CYTH4: variants seen among roughly 807,000 people sequenced by gnomAD.
The protein encoded by CYTH4 is cytohesin 4.
Under a neutral mutation model 57.5 loss-of-function variants are expected in CYTH4, and 22 were observed. The ratio of observed to expected loss-of-function variants is 0.38; its 90% CI spans 0.27 to 0.55. CYTH4 has a LOEUF of 0.55. Ranked by LOEUF, CYTH4 falls within the 20% of genes least tolerant of loss-of-function variation. The pLI is 0.74. For synonymous variants in CYTH4, 186 were observed against 206.5 expected (o/e 0.90, Z 0.85); for missense variants, 420 against 535.6 (o/e 0.78, Z 2.13).
In CYTH4 at chr22:37,292,224, G is replaced by A. The variant is rs1010369739; in HGVS notation, c.20-397G>A. On this transcript the variant is annotated intron_variant, in intron 1 of 12. Transcript: ENST00000248901. ...CAGTGGAGGAGGAGATTCAAGTTCC[G>A]GGGAAGGAATGCGTGCCTTCAGCGA... is the stretch of plus-strand genomic sequence containing the variant. 12 of 174,038 alleles carry A rather than the reference G, an allele frequency of 6.9e-5. No homozygotes were observed. The East Asian group carries it at 7.5e-4, about 11-fold the overall frequency. 10.8% of individuals were successfully genotyped at this position (174,038 alleles called of 1,614,324 possible).
chr22:37,303,986 G>T (rs1929297733), intron 8 of CYTH4, among the ~76,000 whole-genome samples: 1 of 152,214 alleles, frequency 6.6e-6, no homozygotes, highest in South Asian at 2.1e-4. Flanking sequence ...CAAGTTCAGG[G>T]TCTGGTGGGA....
At chr22:37,293,219 C>T (rs1246203770) in intron 2 of CYTH4, among the ~76,000 whole-genome samples, 1 of 152,200 alleles carries the variant, frequency 6.6e-6, no homozygotes, top group Non-Finnish European at 1.5e-5. Context: ...GCCTGGGCTG[C>T]AGTGGCTGTG....
Position 37,314,530 on chromosome 22 carries a change from G to A in CYTH4, c.*1019G>A. 1 of 397,980 alleles carries A rather than the reference G, an allele frequency of 2.5e-6. No homozygotes were observed. Among genetic ancestry groups the A allele is most frequent in the Non-Finnish European group, 4.4e-6 (1 of 225,824 alleles). The allele number at this position is 397,980 out of a possible 1,614,324, so 24.7% of individuals were successfully genotyped here. On this transcript the variant is annotated 3_prime_UTR_variant, in exon 13 of 13. Transcript: ENST00000248901. The stretch of plus-strand genomic sequence containing the variant: ...CACAGAGCTCATGCTTGGAGAGAGA[G>A]AGTCTTGGCCATGGCTTTCCTGCAA...
intron 9 of CYTH4, 132 bp from the exon 10 acceptor site, chr22:37,310,856 G>A (rs1929611528): frequency 2.5e-6 from 2 of 806,258 alleles, no homozygotes; most frequent in East Asian, 2.5e-5. Context: ...TTGGGGGGAG[G>A]TGTGGTGGAC....
chr22:37,309,104 T>C, intron 8 of CYTH4, 108 bp from the exon 9 acceptor site: 1 of 806,030 alleles, frequency 1.2e-6, no homozygotes, highest in South Asian at 1.7e-5. Context: ...GGAAAGAGTA[T>C]GCCTGCAGGT....
rs774848140 is a variant in CYTH4, at chr22:37,303,359, G to A, written c.653G>A (p.Arg218His). 1.7e-5 allele frequency: 27 copies of A among 1,613,992 alleles called. No homozygotes were observed. The highest frequency in any genetic ancestry group is 5.0e-5 in the Admixed American group (3 of 59,974). The part of the protein sequence containing the change: ...PPFERFVSMN[R>H]GINNGSDLPE... ...TTTGAGCGCTTTGTGTCCATGAACC[G>A]CGGCATCAACAATGGTAGCGACCTG... Residue 218 changes from arginine (R) to histidine (H), a missense_variant, in exon 8 of 13, where the codon CGC becomes CAC. Physicochemically the swap from Arg to His is conservative, Grantham distance 29 (BLOSUM62 0). Transcript: ENST00000248901.
chr22:37,314,423 C>G lies in CYTH4; in HGVS notation c.*912C>G, dbSNP rs1366998928. The G allele has an allele frequency of 7.5e-6, 3 of 398,534 alleles. No individual in the cohort carries two copies. Among genetic ancestry groups the G allele is most frequent in the African/African-American group, 6.2e-5 (3 of 48,624 alleles). 24.7% of individuals were successfully genotyped at this position (398,534 alleles called of 1,614,324 possible). On this transcript the variant is annotated 3_prime_UTR_variant, in exon 13 of 13. Transcript: ENST00000248901. ...GACTCAAGCAGGATGGGTGCTATATCCAAGAAGCCAAGAAGGGAGAGTTTC... is the reference window on the plus strand; with the variant it reads ...GACTCAAGCAGGATGGGTGCTATATGCAAGAAGCCAAGAAGGGAGAGTTTC...
At chr22:37,297,166 C>T (rs938094680) in intron 4 of CYTH4, among the ~76,000 whole-genome samples, 1 of 152,090 alleles carries the variant, frequency 6.6e-6, no homozygotes, top group Admixed American at 6.5e-5. Context: ...ACATAGATTA[C>T]TTGTGTGAAA....
chr22:37,300,136 G>A (rs1427441361), intron 6 of CYTH4: 1 of 717,618 alleles, frequency 1.4e-6, no homozygotes, highest in Admixed American at 2.0e-5. Flanking sequence ...AAGTCTTGAT[G>A]CTGCTTGAAA....
At chr22:37,305,298 G>C (rs1929353627) in intron 8 of CYTH4, among the ~76,000 whole-genome samples, 1 of 152,156 alleles carries the variant, frequency 6.6e-6, no homozygotes, top group Non-Finnish European at 1.5e-5. Flanking sequence ...AGGCTTTGGG[G>C]TCTATTATCT....
chr22:37,295,876 C>T lies in CYTH4; in HGVS notation c.168-123C>T, dbSNP rs972355029. The T allele has an allele frequency of 1.0e-5, 10 of 1,001,716 alleles. No individual in the cohort carries two copies. The African/African-American group carries it at 1.5e-4, about 15-fold the overall frequency. 62.1% of individuals were successfully genotyped at this position (1,001,716 alleles called of 1,614,324 possible). A position where few individuals can be genotyped will look rare whatever the true frequency, so the allele number is the denominator to read the frequency against. On this transcript the variant is annotated intron_variant, in intron 3 of 12. Coordinates refer to ENST00000248901, the MANE Select transcript of CYTH4 (RefSeq NM_013385.5). The surrounding 1 kb of genome is among the most constrained non-coding windows in gnomAD (Gnocchi z 4.1). ...GCCCAGGTGGTTCCCATGCAGGACC[C>T]GGAGGCCACACTTGGAGGGCCCTAG... is the stretch of plus-strand genomic sequence containing the variant.
Position 37,297,676 on chromosome 22 carries a change from G to C in CYTH4, c.347G>C (p.Gly116Ala). Residue 116 changes from glycine (G) to alanine (A), a missense_variant, in exon 5 of 13, where the codon GGG (glycine) becomes GCG (alanine). Physicochemically the swap from Gly to Ala is moderately conservative, Grantham distance 60. Coordinates refer to ENST00000248901, the MANE Select transcript of CYTH4 (RefSeq NM_013385.5). Reference sequence around the variant, plus strand: ...AAGACAGCCATTGGTACCTACCTGGGGGAGAGGTAAGAACGAGTGGAGCCT... The same window carrying C: ...AAGACAGCCATTGGTACCTACCTGGCGGAGAGGTAAGAACGAGTGGAGCCT... ...LNKTAIGTYL[G>A]ERDPINLQVL... The C allele has an allele frequency of 6.2e-7, 1 of 1,613,428 alleles. No individual in the cohort carries two copies. The highest frequency in any genetic ancestry group is 1.1e-5 in the South Asian group (1 of 91,050).
chr22:37,311,531 GGT>G lies in CYTH4; in HGVS notation c.957+7_957+8del. 1 of 1,613,818 alleles carries G rather than the reference GGT, an allele frequency of 6.2e-7. No homozygotes were observed. The highest frequency in any genetic ancestry group is 1.1e-5 in the South Asian group (1 of 91,076). ...GGTGGATGACCCCAAGAAGCCAGTA[GGT>G]GTTCAGGTTGCAGGATCCCGAGGCT... is the stretch of plus-strand genomic sequence containing the variant. On this transcript the variant is annotated splice_donor_5th_base_variant and intron_variant, in intron 11 of 12. Coordinates refer to ENST00000248901, the MANE Select transcript of CYTH4 (RefSeq NM_013385.5). The surrounding 1 kb of genome is among the most constrained non-coding windows in gnomAD (Gnocchi z 4.4).
In CYTH4 at chr22:37,313,551, G is replaced by C. The variant is rs367708247; in HGVS notation, c.*40G>C. The C allele has an allele frequency of 5.5e-5, 88 of 1,595,634 alleles. No homozygotes were observed. Among genetic ancestry groups the C allele is most frequent in the Non-Finnish European group, 7.2e-5 (84 of 1,163,394 alleles). ...GCACTGGGGGCTGGTCACCCTGAGA[G>C]TCCCATCGCCTGCAGCACCTGGAGA... On this transcript the variant is annotated 3_prime_UTR_variant, in exon 13 of 13. Coordinates refer to ENST00000248901, the MANE Select transcript of CYTH4 (RefSeq NM_013385.5).
chr22:37,311,446 T>C lies in CYTH4; in HGVS notation c.886-10T>C. ...TCCTGACCCTGACCTTCCTTCCCCT[T>C]TCCCTGTAGGACAAGGAGCCACGGG... On this transcript the variant is annotated splice_polypyrimidine_tract_variant and intron_variant, in intron 10 of 12. Transcript: ENST00000248901. This position sits in a 1 kb window ranked among gnomAD's most constrained non-coding sequence, Gnocchi z 4.4. 1 of 1,613,558 alleles carries C rather than the reference T, an allele frequency of 6.2e-7. No homozygotes were observed. Among genetic ancestry groups the C allele is most frequent in the African/African-American group, 1.3e-5 (1 of 75,012 alleles).
chr22:37,308,346 T>G (rs1449792667), intron 8 of CYTH4, among the ~76,000 whole-genome samples: 2 of 152,186 alleles, frequency 1.3e-5, no homozygotes, highest in African/African-American at 2.4e-5. Flanking sequence ...TAAGCATGCA[T>G]GTGTGTGTGG....
At chr22:37,313,232 T>C (rs147873435) in intron 12 of CYTH4, among the ~76,000 whole-genome samples, 1 of 152,202 alleles carries the variant, frequency 6.6e-6, no homozygotes, top group Non-Finnish European at 1.5e-5. Flanking sequence ...CCTCACCCAC[T>C]CTGGCCCTGC....
At chr22:37,284,212 C>T (rs1450169423) in intron 1 of CYTH4, among the ~76,000 whole-genome samples, 1 of 152,182 alleles carries the variant, frequency 6.6e-6, no homozygotes, top group Non-Finnish European at 1.5e-5. Flanking sequence ...GGTTCTCCAT[C>T]GAGTAGTTGG....
chr22:37,309,375 G>A, intron 9 of CYTH4, 52 bp downstream of exon 9: 1 of 1,518,792 alleles, frequency 6.6e-7, no homozygotes, highest in Non-Finnish European at 9.1e-7. Context: ...GCACGCGCGG[G>A]CACACATCGT....
Sources: gnomAD v4.1 joint callset for allele counts (sites outside exome capture counted in the v4.1 genomes callset) on GRCh38, gnomAD v4.1.1 for gene constraint, Gnocchi (gnomAD v3.1) non-coding constraint, MANE v1.5 for transcripts, NCBI Gene and HGNC (gene_info 2026-07-23, HGNC 2026-07-21) for gene names.